OR4F15: variants seen among roughly 807,000 people sequenced by gnomAD.
The protein encoded by OR4F15 is olfactory receptor family 4 subfamily F member 15.
OR4F15 carries 7 observed loss-of-function variants against 11.9 expected under a neutral mutation model. The ratio of observed to expected loss-of-function variants is 0.59; its 90% CI spans 0.33 to 1.10. OR4F15 has a LOEUF of 1.10. Ranked by LOEUF, OR4F15 falls within the 50% of genes least tolerant of loss-of-function variation. The pLI is 0.03. For missense variants in OR4F15, 445 were observed against 377.5 expected (o/e 1.18, Z -1.48); for synonymous variants, 151 against 134.6 (o/e 1.12, Z -0.84).
Position 101,818,650 on chromosome 15 carries a change from A to G in OR4F15, c.464A>G (p.His155Arg), listed in dbSNP as rs752674618. The change falls in exon 2 of 2, where the codon CAC becomes CGC. Residue 155 changes from histidine to arginine, a missense_variant. Physicochemically the swap from His to Arg is conservative, Grantham distance 29. Coordinates refer to ENST00000332238, the MANE Select transcript of OR4F15 (RefSeq NM_001001674.2). ...LATSSIIGLI[H>R]SLVQLVFVVD... ...ACTTCCTCTATCATTGGCCTTATCC[A>G]CTCATTGGTCCAATTAGTTTTTGTG... 5.6e-6 allele frequency: 9 copies of G among 1,613,770 alleles called. No homozygotes were observed. The highest frequency in any genetic ancestry group is 7.6e-6 in the Non-Finnish European group (9 of 1,179,914).
At chr15:101,814,410 A>AC (rs1555437029) in intron 1 of OR4F15, among the ~76,000 whole-genome samples, 2 of 151,822 alleles carry the variant, frequency 1.3e-5, no homozygotes, top group African/African-American at 4.8e-5. Flanking sequence ...GCCAGCTGTT[A>AC]TTTTTTTTGT....
chr15:101,819,222 A>G lies in OR4F15; in HGVS notation c.*97A>G. On this transcript the variant is annotated 3_prime_UTR_variant, in exon 2 of 2. Transcript: ENST00000332238. ...CAGAGAAATACTGAAGACTCAGGCCATACTATATGCCTGAAAATTTATGAA... is the reference window on the plus strand; with the variant it reads ...CAGAGAAATACTGAAGACTCAGGCCGTACTATATGCCTGAAAATTTATGAA... The G allele has an allele frequency of 1.3e-6, 1 of 757,010 alleles. No homozygotes were observed. The highest frequency in any genetic ancestry group is 2.7e-5 in the East Asian group (1 of 37,174). The allele number at this position is 757,010 out of a possible 1,614,324, so 46.9% of individuals were successfully genotyped here. A position where few individuals can be genotyped will look rare whatever the true frequency, so the allele number is the denominator to read the frequency against.
At chr15:101,816,389 T>C (rs1265790140) in intron 1 of OR4F15, among the ~76,000 whole-genome samples, 1 of 152,200 alleles carries the variant, frequency 6.6e-6, no homozygotes, top group Admixed American at 6.5e-5. Context: ...AATGCAGCTC[T>C]GTTGACACCT....
At chr15:101,814,073 GA>G (rs1043798774) in intron 1 of OR4F15, among the ~76,000 whole-genome samples, 12 of 152,190 alleles carry the variant, frequency 7.9e-5, no homozygotes, top group Non-Finnish European at 1.6e-4. Flanking sequence ...TAATACTTAA[GA>G]AATGTGAAGA....
chr15:101,816,310 A>G (rs577674226), intron 1 of OR4F15, among the ~76,000 whole-genome samples: 2 of 152,298 alleles, frequency 1.3e-5, no homozygotes, highest in South Asian at 4.2e-4. Context: ...GAGCCAAGCA[A>G]GGGATGGAGG....
chr15:101,818,124 C>G, intron 1 of OR4F15, 26 bp from the exon 2 acceptor site: 1 of 1,075,644 alleles, frequency 9.3e-7, no homozygotes. Flanking sequence ...CTAGGTAATT[C>G]TTTCTCATTT....
intron 1 of OR4F15, among the ~76,000 whole-genome samples, chr15:101,817,869 A>C (rs1596373862): frequency 6.6e-6 from 1 of 152,306 alleles, no homozygotes; most frequent in South Asian, 2.1e-4. Context: ...ACCCAAATAG[A>C]ACATCCTGGG....
chr15:101,814,280 C>G (rs935460037), intron 1 of OR4F15, among the ~76,000 whole-genome samples: 3 of 152,192 alleles, frequency 2.0e-5, no homozygotes, highest in Non-Finnish European at 4.4e-5. Context: ...ACTCTGTCTC[C>G]TGAAGCAACC....
chr15:101,814,158 T>G (rs1442850097), intron 1 of OR4F15, among the ~76,000 whole-genome samples: 1 of 152,208 alleles, frequency 6.6e-6, no homozygotes, highest in Non-Finnish European at 1.5e-5. Flanking sequence ...CATCTTTGCT[T>G]TATGAGGGAT....
chr15:101,818,264 A>G lies in OR4F15; in HGVS notation c.78A>G (p.Leu26=), dbSNP rs1427008888. ...CCAACTCACGGGAGATTCAGCTTCT[A>G]CTTTTTGTTTTCTCTTTGTTGTTCT... ...GLTNSREIQL[L]LFVFSLLFYF... The change falls in exon 2 of 2, where the codon CTA becomes CTG. Residue 26 remains leucine (L), a synonymous_variant. Transcript: ENST00000332238. 4 of 1,613,840 alleles carry G rather than the reference A, an allele frequency of 2.5e-6. No homozygotes were observed. The highest frequency in any genetic ancestry group is 3.4e-6 in the Non-Finnish European group (4 of 1,179,866).
chr15:101,818,109 C>T, intron 1 of OR4F15, 41 bp from the exon 2 acceptor site: 1 of 929,188 alleles, frequency 1.1e-6, no homozygotes. Context: ...AACATGAATA[C>T]TTGCCTAGGT....
intron 1 of OR4F15, among the ~76,000 whole-genome samples, chr15:101,814,102 A>C (rs1052472600): frequency 6.6e-6 from 1 of 152,228 alleles, no homozygotes; most frequent in Non-Finnish European, 1.5e-5. Flanking sequence ...ACAAAAGCTG[A>C]GTAAATTTTT....
At position 101,819,191 on chromosome 15, in the gene OR4F15, C is replaced by A; in HGVS notation, c.*66C>A. On this transcript the variant is annotated 3_prime_UTR_variant, in exon 2 of 2. Coordinates refer to ENST00000332238, the MANE Select transcript of OR4F15 (RefSeq NM_001001674.2). The stretch of plus-strand genomic sequence containing the variant: ...CATGCTGATTGCATAAAAGAAACTG[C>A]AATTTCAGAGAAATACTGAAGACTC... 9.2e-7 allele frequency: 1 copy of A among 1,081,836 alleles called. No homozygotes were observed. Among genetic ancestry groups the A allele is most frequent in the Non-Finnish European group, 1.3e-6 (1 of 759,096 alleles). 67.0% of individuals were successfully genotyped at this position (1,081,836 alleles called of 1,614,324 possible). A position where few individuals can be genotyped will look rare whatever the true frequency, so the allele number is the denominator to read the frequency against.
At chr15:101,814,655 T>C (rs1902959816) in intron 1 of OR4F15, among the ~76,000 whole-genome samples, 1 of 152,174 alleles carries the variant, frequency 6.6e-6, no homozygotes, top group Admixed American at 6.5e-5. Context: ...TAATGAACCA[T>C]CTTAGTCTCC....
intron 1 of OR4F15, among the ~76,000 whole-genome samples, chr15:101,817,588 A>G (rs999066301): frequency 8.5e-5 from 13 of 152,204 alleles, no homozygotes; most frequent in Non-Finnish European, 5.9e-5. Flanking sequence ...TCTGGGGCAC[A>G]TTGGGAAGAT....
Position 101,818,434 on chromosome 15 carries a change from G to A in OR4F15, c.248G>A (p.Cys83Tyr). ...FCSITAPKMI[C>Y]DIFKKHKAIS... The stretch of plus-strand genomic sequence containing the variant: ...TCAATTACAGCCCCTAAGATGATTT[G>A]TGATATTTTCAAGAAGCACAAGGCC... The change falls in exon 2 of 2, where the codon TGT becomes TAT. Residue 83 changes from cysteine to tyrosine, a missense_variant. Physicochemically the swap from Cys to Tyr is radical, Grantham distance 194. Transcript: ENST00000332238. The A allele has an allele frequency of 6.2e-7, 1 of 1,614,054 alleles. No homozygotes were observed. Among genetic ancestry groups the A allele is most frequent in the East Asian group, 2.2e-5 (1 of 44,874 alleles).
At chr15:101,817,947 A>G (rs1046007660) in intron 1 of OR4F15, among the ~76,000 whole-genome samples, 5 of 152,218 alleles carry the variant, frequency 3.3e-5, no homozygotes, top group Admixed American at 6.5e-5. Context: ...GATGGAATTA[A>G]TTTAGTAGTA....
intron 1 of OR4F15, among the ~76,000 whole-genome samples, chr15:101,814,148 C>T (rs1245385015): frequency 1.3e-5 from 2 of 152,176 alleles, no homozygotes; most frequent in African/African-American, 4.8e-5. Context: ...ATTATTTTCT[C>T]ATCTTTGCTT....
At position 101,818,143 on chromosome 15, in the gene OR4F15, C is replaced by A; in HGVS notation, c.-37-7C>A. 1 of 1,250,278 alleles carries A rather than the reference C, an allele frequency of 8.0e-7. No individual in the cohort carries two copies. The highest frequency in any genetic ancestry group is 1.1e-6 in the Non-Finnish European group (1 of 881,574). The allele number at this position is 1,250,278 out of a possible 1,614,324, so 77.4% of individuals were successfully genotyped here. On this transcript the variant is annotated splice_region_variant and splice_polypyrimidine_tract_variant and intron_variant, in intron 1 of 1. Coordinates refer to ENST00000332238, the MANE Select transcript of OR4F15 (RefSeq NM_001001674.2). ...GTAATTCTTTCTCATTTTCTTTCTT[C>A]CTTCAGGTAAGTAACATGAAAACTG...
Sources: gnomAD v4.1 joint callset for allele counts (sites outside exome capture counted in the v4.1 genomes callset) on GRCh38, gnomAD v4.1.1 for gene constraint, MANE v1.5 for transcripts, NCBI Gene and HGNC (gene_info 2026-07-23, HGNC 2026-07-21) for gene names.